RTL4: variants seen among roughly 807,000 people sequenced by gnomAD.
RTL4 encodes retrotransposon Gag like 4, also known as retrotransposon Gag-like protein 4.
In RTL4, 4 loss-of-function variants were observed where a neutral mutation model predicts 5.3. The observed-to-expected ratio is 0.75, with a 90% confidence interval of 0.37 to 1.72. RTL4 has a LOEUF of 1.72. Among genes scored for constraint, RTL4 ranks in the 40% most tolerant of loss-of-function variants. RTL4 has a pLI of 0.04. For missense variants in RTL4, 260 were observed against 227.1 expected (o/e 1.14, Z -0.93); for synonymous variants, 98 against 87.3 (o/e 1.12, Z -0.68).
the RTL4 span, among the ~76,000 whole-genome samples, chrX:112,425,919 G>A: frequency 9.0e-6 from 1 of 111,622 alleles, no homozygotes; most frequent in Non-Finnish European, 1.9e-5. Flanking sequence ...TCACAGAGCA[G>A]AAGGTTTTTA....
chrX:112,113,473 G>A, the RTL4 span, among the ~76,000 whole-genome samples: 7 of 111,534 alleles, frequency 6.3e-5, no homozygotes, highest in Non-Finnish European at 9.4e-5. Flanking sequence ...GGATGGTAAC[G>A]GACTTTGAGG....
the RTL4 span, among the ~76,000 whole-genome samples, chrX:112,309,677 C>T: frequency 9.3e-6 from 1 of 107,984 alleles, no homozygotes; most frequent in African/African-American, 3.4e-5. Context: ...GACAGTGTTT[C>T]ACCATGTTGC....
At chrX:112,111,231 C>G in the RTL4 span, among the ~76,000 whole-genome samples, 1 of 110,457 alleles carries the variant, frequency 9.1e-6, no homozygotes, top group Admixed American at 9.6e-5. Context: ...GTCTCTTCCT[C>G]TCTGTCTCCT....
the RTL4 span, among the ~76,000 whole-genome samples, chrX:112,271,839 T>C: frequency 8.9e-6 from 1 of 111,895 alleles, no homozygotes; most frequent in Non-Finnish European, 1.9e-5. Context: ...CACATCAAGG[T>C]AAATGGGGTA....
At chrX:112,236,459 ATCTATATCTATATATAGATATAG>A in the RTL4 span, among the ~76,000 whole-genome samples, 261 of 81,133 alleles carry the variant, frequency 3.2e-3, 3 homozygotes, top group African/African-American at 0.013. Context: ...ATAGATATAG[ATCTATATCTATATATAGATATAG>A]ATCTATATCT....
the RTL4 span, among the ~76,000 whole-genome samples, chrX:112,310,249 A>G: frequency 2.1e-5 from 2 of 93,733 alleles, no homozygotes; most frequent in African/African-American, 7.8e-5. Context: ...TAGTGCCCTT[A>G]GAAGAGACAC....
At chrX:112,173,812 G>A in the RTL4 span, among the ~76,000 whole-genome samples, 10 of 110,699 alleles carry the variant, frequency 9.0e-5, no homozygotes, top group African/African-American at 3.3e-4. Context: ...ATAATAGGTG[G>A]TTGAGTGCAT....
At position 112,455,286 on chromosome X, in the gene RTL4, G is replaced by T. The variant is rs1033128302; in HGVS notation, c.558G>T (p.Lys186Asn). The T allele has an allele frequency of 5.0e-6, 6 of 1,209,559 alleles. No individual in the cohort carries two copies. The Admixed American group carries it at 1.1e-4, about 22-fold the overall frequency. Residue 186 changes from lysine (K) to asparagine (N), a missense_variant, in exon 1 of 1, where the codon AAG becomes AAT. Lys to Asn is a moderately conservative substitution (Grantham distance 94). Transcript: ENST00000340433. ...CCAATCAGAGTGGTCAGTTCGAAAA[G>T]GCACTAGCTGATCCCAACCAGGATG...
the RTL4 span, among the ~76,000 whole-genome samples, chrX:112,394,709 T>A: frequency 0.019 from 2,090 of 111,986 alleles, 21 homozygotes; most frequent in Non-Finnish European, 0.029. Flanking sequence ...AATTTTTTTC[T>A]TTCATTTGCA....
At chrX:112,133,611 G>A in the RTL4 span, among the ~76,000 whole-genome samples, 5 of 111,705 alleles carry the variant, frequency 4.5e-5, no homozygotes, top group African/African-American at 1.6e-4. Flanking sequence ...GTGATTTGGA[G>A]TTTAGCATTT....
At chrX:112,306,814 C>T in the RTL4 span, among the ~76,000 whole-genome samples, 1 of 111,531 alleles carries the variant, frequency 9.0e-6, no homozygotes, top group Non-Finnish European at 1.9e-5. Flanking sequence ...GGAAACTCTA[C>T]GCTCAAGGGG....
chrX:112,281,850 A>G, the RTL4 span, among the ~76,000 whole-genome samples: 1 of 111,706 alleles, frequency 9.0e-6, no homozygotes, highest in South Asian at 3.7e-4. Flanking sequence ...TTTGCTTACT[A>G]TTGGGTTGTT....
At chrX:112,115,405 A>T in the RTL4 span, among the ~76,000 whole-genome samples, 1 of 111,312 alleles carries the variant, frequency 9.0e-6, no homozygotes, top group Admixed American at 9.6e-5. Flanking sequence ...TAGTATTGGG[A>T]CCTTACCCTT....
chrX:112,135,438 T>C, the RTL4 span, among the ~76,000 whole-genome samples: 4 of 111,644 alleles, frequency 3.6e-5, no homozygotes, highest in East Asian at 1.1e-3. Context: ...GGTTCATTTA[T>C]TAGATATACT....
At chrX:112,331,728 A>G in the RTL4 span, among the ~76,000 whole-genome samples, 2 of 99,938 alleles carry the variant, frequency 2.0e-5, no homozygotes, top group Non-Finnish European at 4.0e-5. Flanking sequence ...TTGCGGCATT[A>G]TTCACAATAG....
the RTL4 span, among the ~76,000 whole-genome samples, chrX:112,109,491 C>T: frequency 1.1e-4 from 12 of 111,522 alleles, no homozygotes; most frequent in African/African-American, 3.9e-4. Flanking sequence ...CTGATTGGTC[C>T]ATTTTAAGAG....
the RTL4 span, among the ~76,000 whole-genome samples, chrX:112,392,157 C>T: frequency 4.1e-4 from 46 of 111,714 alleles, no homozygotes; most frequent in African/African-American, 1.3e-3. Flanking sequence ...CCACAACAGA[C>T]GCAGTGGCAG....
At chrX:112,192,238 C>T in the RTL4 span, among the ~76,000 whole-genome samples, 2 of 109,847 alleles carry the variant, frequency 1.8e-5, no homozygotes, top group African/African-American at 3.3e-5. Flanking sequence ...TTCCAATCTA[C>T]ATAACTCCTA....
chrX:112,205,126 G>A, the RTL4 span, among the ~76,000 whole-genome samples: 4 of 111,229 alleles, frequency 3.6e-5, no homozygotes, highest in Non-Finnish European at 7.5e-5. Flanking sequence ...GGAGGGAGAG[G>A]GATTGCTTTA....
Sources: gnomAD v4.1 joint callset for allele counts (sites outside exome capture counted in the v4.1 genomes callset) on GRCh38, gnomAD v4.1.1 for gene constraint, MANE v1.5 for transcripts, NCBI Gene and HGNC (gene_info 2026-07-23, HGNC 2026-07-21) for gene names.